The following FHIT variants were observed in gnomAD, a reference collection of about 807,000 sequenced individuals.
The protein encoded by FHIT is fragile histidine triad diadenosine triphosphatase, also known as bis(5'-adenosyl)-triphosphatase.
A neutral mutation model predicts 17.9 loss-of-function variants in FHIT; 19 were observed. The ratio of observed to expected loss-of-function variants is 1.06; its 90% confidence interval spans 0.74 to 1.56. The LOEUF is 1.56. FHIT is among the 40% of genes most tolerant of loss of function. The pLI is 0.00. For missense variants in FHIT, 248 were observed against 189.2 expected (o/e 1.31, Z -1.82); for synonymous variants, 81 against 69.7 (o/e 1.16, Z -0.81).
chr3:60,186,900 A>C (rs1702182130), intron 5 of FHIT, among the ~76,000 whole-genome samples: 1 of 152,070 alleles, frequency 6.6e-6, no homozygotes, highest in Admixed American at 6.6e-5. Context: ...AAGATATTTA[A>C]ATTCAAATGG....
intron 2 of FHIT, among the ~76,000 whole-genome samples, chr3:61,117,294 T>C (rs2036326713): frequency 6.6e-6 from 1 of 152,178 alleles, no homozygotes; most frequent in Non-Finnish European, 1.5e-5. Flanking sequence ...GGCAGGTGCC[T>C]TCTGTTTAAA....
At chr3:59,820,217 A>G (rs1039764208) in intron 8 of FHIT, among the ~76,000 whole-genome samples, 3 of 152,234 alleles carry the variant, frequency 2.0e-5, no homozygotes, top group African/African-American at 4.8e-5. Context: ...TCTAGCCTAG[A>G]GAAGTACAAA....
intron 5 of FHIT, among the ~76,000 whole-genome samples, chr3:60,356,903 G>T (rs1304326869): frequency 6.6e-6 from 1 of 152,094 alleles, no homozygotes; most frequent in Non-Finnish European, 1.5e-5. Flanking sequence ...CCAAATGTGT[G>T]GCTAGAACTG....
Position 60,142,726 on chromosome 3 carries a change from G to C in FHIT, c.104-128574C>G, listed in dbSNP as rs1221391536. 5.4e-5 allele frequency among the ~76,000 whole-genome samples: 8 copies of C among 146,836 alleles called. No homozygotes were observed. In the East Asian group the frequency reaches 1.6e-3, roughly 29 times the overall value. Reference sequence around the variant, plus strand: ...TTTTTAAGAGATGGGATTTCACTATGTTGCCCAGGCTGGTCTCAAACTCCT... The same window carrying C: ...TTTTTAAGAGATGGGATTTCACTATCTTGCCCAGGCTGGTCTCAAACTCCT... On this transcript the variant is annotated intron_variant, in intron 5 of 9. Transcript: ENST00000492590.
At chr3:60,463,379 T>C (rs2032591418) in intron 5 of FHIT, among the ~76,000 whole-genome samples, 1 of 152,206 alleles carries the variant, frequency 6.6e-6, no homozygotes, top group Non-Finnish European at 1.5e-5. Context: ...TTGATAAGGA[T>C]TTAATTGCAT....
At chr3:60,020,386 G>GC (rs1700509876) in intron 5 of FHIT, among the ~76,000 whole-genome samples, 1 of 152,026 alleles carries the variant, frequency 6.6e-6, no homozygotes, top group Non-Finnish European at 1.5e-5. Context: ...GCTCAGACTC[G>GC]CCCCCATTTA....
intron 7 of FHIT, among the ~76,000 whole-genome samples, chr3:60,008,166 A>G (rs1699996725): frequency 6.6e-6 from 1 of 152,158 alleles, no homozygotes; most frequent in Non-Finnish European, 1.5e-5. Context: ...ATCATGCACC[A>G]GGACAGAGAG....
rs1453603626 is a variant in FHIT, at chr3:61,232,827, A to C, written c.-213+18474T>G. 2.0e-5 allele frequency among the ~76,000 whole-genome samples: 3 copies of C among 152,188 alleles called. No homozygotes were observed. In the East Asian group the frequency reaches 5.8e-4, roughly 29 times the overall value. ...GGCTTCAAATAAGACTGGACAGGAG[A>C]GCAGGTAAATAAATAGAATATTCAC... On this transcript the variant is annotated intron_variant, in intron 1 of 9. Transcript: ENST00000492590.
rs551500568 is a variant in FHIT at position 61,218,785 on chromosome 3, G to C, written c.-212-18120C>G. 1.0e-3 allele frequency among the ~76,000 whole-genome samples: 153 copies of C among 152,246 alleles called. 2 individuals are homozygous for C. The highest frequency in any genetic ancestry group is 8.3e-3 in the Admixed American group (127 of 15,286). ...ATGCACTACTTTATCGTGTGTTTAT[G>C]TTTTCTCACCCTAATTAGAATCTAA... On this transcript the variant is annotated intron_variant, in intron 1 of 9. Coordinates refer to ENST00000492590, the MANE Select transcript of FHIT (RefSeq NM_002012.4).
At chr3:60,166,495 C>T (rs540407379) in intron 5 of FHIT, among the ~76,000 whole-genome samples, 2 of 152,222 alleles carry the variant, frequency 1.3e-5, no homozygotes, top group East Asian at 3.9e-4. Flanking sequence ...CTAAGCAGTA[C>T]CCATGTACTA....
intron 5 of FHIT, among the ~76,000 whole-genome samples, chr3:60,293,667 T>A (rs1245659146): frequency 6.6e-6 from 1 of 152,118 alleles, no homozygotes; most frequent in African/African-American, 2.4e-5. Flanking sequence ...ATAAAAAGTA[T>A]CCTGAGAAAG....
chr3:60,530,029 A>G (rs1210911707), intron 5 of FHIT, among the ~76,000 whole-genome samples: 1 of 152,196 alleles, frequency 6.6e-6, no homozygotes, highest in Non-Finnish European at 1.5e-5. Context: ...TCAAAATGAC[A>G]GTTGAATTTT....
At chr3:60,823,361 T>C (rs1470937949) in intron 3 of FHIT, among the ~76,000 whole-genome samples, 3 of 152,158 alleles carry the variant, frequency 2.0e-5, no homozygotes, top group African/African-American at 7.2e-5. Context: ...ACTTAGAATG[T>C]GACCTTATTT....
At chr3:60,538,430 A>G (rs2107602329) in intron 4 of FHIT, among the ~76,000 whole-genome samples, 1 of 152,256 alleles carries the variant, frequency 6.6e-6, no homozygotes, top group South Asian at 2.1e-4. Flanking sequence ...ACAGAATTGG[A>G]AAAAAACTAC....
intron 4 of FHIT, among the ~76,000 whole-genome samples, chr3:60,639,087 A>G (rs1403085781): frequency 6.8e-6 from 1 of 147,542 alleles, no homozygotes; most frequent in African/African-American, 2.6e-5. Flanking sequence ...TGATGTAGGC[A>G]AAGAAAGCCC....
intron 5 of FHIT, among the ~76,000 whole-genome samples, chr3:60,416,707 G>A (rs995155124): frequency 6.6e-6 from 1 of 152,108 alleles, no homozygotes; most frequent in African/African-American, 2.4e-5. Context: ...TTAGCAGCTA[G>A]CTGTAGTTAT....
chr3:61,139,340 G>A (rs961783299), intron 2 of FHIT, among the ~76,000 whole-genome samples: 1 of 152,066 alleles, frequency 6.6e-6, no homozygotes, highest in African/African-American at 2.4e-5. Flanking sequence ...CAAAAAACAA[G>A]AATTGTAGAC....
intron 4 of FHIT, among the ~76,000 whole-genome samples, chr3:60,798,228 T>TA (rs797042231): frequency 0.014 from 2,102 of 151,362 alleles, 48 homozygotes; most frequent in African/African-American, 0.047. Context: ...AAAAGTATCT[T>TA]AAAAAAAAAC....
rs141800272 is a variant in FHIT at position 60,775,847 on chromosome 3, T to C, written c.-18+46072A>G. Reference sequence around the variant, plus strand: ...CTGCTGGCTGGTTCCCCGTCACTCCTGGCTGTCCCAGCCTTCCCCTTCCCT... The same window carrying C: ...CTGCTGGCTGGTTCCCCGTCACTCCCGGCTGTCCCAGCCTTCCCCTTCCCT... On this transcript the variant is annotated intron_variant, in intron 4 of 9. Coordinates refer to ENST00000492590, the MANE Select transcript of FHIT (RefSeq NM_002012.4). 2.7e-3 allele frequency among the ~76,000 whole-genome samples: 411 copies of C among 152,298 alleles called. 1 individual carries two copies. Among genetic ancestry groups the C allele is most frequent in the Non-Finnish European group, 4.5e-3 (307 of 68,018 alleles).
Sources: gnomAD v4.1 joint callset for allele counts (sites outside exome capture counted in the v4.1 genomes callset) on GRCh38, gnomAD v4.1.1 for gene constraint, MANE v1.5 for transcripts, NCBI Gene and HGNC (gene_info 2026-07-23, HGNC 2026-07-21) for gene names.